USP24: variants seen among roughly 807,000 people sequenced by gnomAD.
USP24 encodes ubiquitin carboxyl-terminal hydrolase 24.
A neutral mutation model predicts 361.6 loss-of-function variants in USP24; 97 were observed. The observed-to-expected ratio is 0.27, with a 90% confidence interval of 0.23 to 0.32. USP24 has a LOEUF of 0.32. USP24 is among the 10% of genes least tolerant of loss of function. USP24 has a pLI of 1.00. For synonymous variants in USP24, 1,098 were observed against 1,124.6 expected (o/e 0.98, Z 0.47); for missense variants, 2,353 against 3,165.6 (o/e 0.74, Z 6.16).
chr1:55,123,706 T>C (rs192877927), intron 35 of USP24, 104 bp from the exon 36 acceptor site: 15 of 1,197,630 alleles, frequency 1.3e-5, no homozygotes, highest in Admixed American at 1.1e-4. Flanking sequence ...CATTAAATAC[T>C]TCAAGAAAGC....
chr1:55,101,380 A>C (rs1204194174), intron 43 of USP24, among the ~76,000 whole-genome samples: 1 of 152,250 alleles, frequency 6.6e-6, no homozygotes, highest in Non-Finnish European at 1.5e-5. Context: ...GTCCATCTGT[A>C]ATACAGGCAG....
chr1:55,129,693 T>C (rs1234972509), intron 31 of USP24, 119 bp from the exon 32 acceptor site: 4 of 670,946 alleles, frequency 6.0e-6, no homozygotes, highest in Non-Finnish European at 7.4e-6. Flanking sequence ...CACACTGTTT[T>C]TCCCCCAGAA....
chr1:55,097,390 TC>T (rs1265599399), intron 48 of USP24, among the ~76,000 whole-genome samples: 4 of 152,156 alleles, frequency 2.6e-5, no homozygotes, highest in African/African-American at 4.8e-5. Flanking sequence ...TTCATAGTAA[TC>T]ACTAGGATGC....
At chr1:55,182,554 T>C (rs1644006540) in intron 1 of USP24, among the ~76,000 whole-genome samples, 1 of 152,062 alleles carries the variant, frequency 6.6e-6, no homozygotes, top group South Asian at 2.1e-4. Context: ...AATCGTCAAA[T>C]GTACCTAGCA....
intron 1 of USP24, among the ~76,000 whole-genome samples, chr1:55,203,162 G>C (rs570237623): frequency 6.6e-6 from 1 of 152,176 alleles, no homozygotes; most frequent in Admixed American, 6.5e-5. Context: ...TGGGGTTCTC[G>C]GAATCCATCC....
chr1:55,112,765 A>G (rs1645991654), intron 38 of USP24, among the ~76,000 whole-genome samples: 1 of 152,320 alleles, frequency 6.6e-6, no homozygotes, highest in African/African-American at 2.4e-5. Flanking sequence ...AGAGTTCTGT[A>G]GATGTCTATT....
intron 56 of USP24, 124 bp downstream of exon 56, chr1:55,085,818 A>C: frequency 1.1e-6 from 1 of 901,800 alleles, no homozygotes; most frequent in South Asian, 1.7e-5. Flanking sequence ...AAATCAGTTC[A>C]CAGAAGGTGT....
intron 1 of USP24, among the ~76,000 whole-genome samples, chr1:55,208,704 G>A (rs1644773265): frequency 6.6e-6 from 1 of 151,830 alleles, no homozygotes; most frequent in Non-Finnish European, 1.5e-5. Context: ...CTGGGAGGCA[G>A]AGGCAGGCGG....
intron 55 of USP24, among the ~76,000 whole-genome samples, chr1:55,087,245 G>A (rs980325922): frequency 6.6e-6 from 1 of 152,214 alleles, no homozygotes; most frequent in African/African-American, 2.4e-5. Context: ...ATAGTGATGA[G>A]TGATTGGTCT....
intron 54 of USP24, among the ~76,000 whole-genome samples, chr1:55,091,252 C>A (rs945224699): frequency 6.6e-6 from 1 of 152,130 alleles, no homozygotes; most frequent in African/African-American, 2.4e-5. Flanking sequence ...GTGAGCATTA[C>A]AGCCTGAGCT....
intron 12 of USP24, 31 bp downstream of exon 12, chr1:55,156,917 C>G (rs2100750196): frequency 1.3e-6 from 2 of 1,554,708 alleles, no homozygotes; most frequent in Non-Finnish European, 1.8e-6. Flanking sequence ...AAAACATTAG[C>G]CAAAGGCAAA....
In USP24 at chr1:55,159,639, C is replaced by A. The variant is rs1362528352; in HGVS notation, c.1040G>T (p.Ser347Ile). The A allele has an allele frequency of 3.2e-6, 5 of 1,562,488 alleles. No individual in the cohort carries two copies. In the South Asian group the frequency reaches 5.9e-5, roughly 18 times the overall value. Residue 347 changes from serine to isoleucine, a missense_variant, in exon 9 of 68, where the codon AGT (serine) becomes ATT (isoleucine). By Grantham distance (142) the Ser-to-Ile change is moderately radical. Transcript: ENST00000294383. ...GTCTTTGAGGTCTTTCTCTTCTACA[C>A]TCCGTACATCCTGGATTGTAGTAAG... ...VILTTIQDVRSVEEKDLKDKR... is the reference protein window; with the variant it reads ...VILTTIQDVRIVEEKDLKDKR...
rs1264475491 is a variant in USP24 at position 55,066,863 on chromosome 1, G to C, written c.*2182C>G. On this transcript the variant is annotated 3_prime_UTR_variant, in exon 68 of 68. Transcript: ENST00000294383. ...AAAAACATCTTCATCCAAAAAATTG[G>C]CAGTAAAAATGACAACTCTTCCAAG... 6.6e-6 allele frequency: 1 copy of C among 152,034 alleles called. No homozygotes were observed. The highest frequency in any genetic ancestry group is 2.4e-5 in the African/African-American group (1 of 41,386). 9.4% of individuals were successfully genotyped at this position (152,034 alleles called of 1,614,324 possible). A position where few individuals can be genotyped will look rare whatever the true frequency, so the allele number is the denominator to read the frequency against.
intron 24 of USP24, among the ~76,000 whole-genome samples, chr1:55,140,138 A>C (rs982159607): frequency 3.3e-5 from 5 of 152,138 alleles, no homozygotes; most frequent in African/African-American, 1.2e-4. Flanking sequence ...TTTAGAGTTT[A>C]TAATATTTTA....
At chr1:55,166,688 G>A (rs958539868) in intron 5 of USP24, 85 bp from the exon 6 acceptor site, 1 of 1,283,092 alleles carries the variant, frequency 7.8e-7, no homozygotes, top group African/African-American at 1.5e-5. Flanking sequence ...TAAATGAAAA[G>A]TCAGAAGAAA....
intron 64 of USP24, 112 bp downstream of exon 64, chr1:55,073,716 T>C (rs777530483): frequency 6.2e-5 from 64 of 1,024,774 alleles, no homozygotes; most frequent in Non-Finnish European, 8.8e-5. Flanking sequence ...AAGCAGGCCC[T>C]GACTGAGTCA....
chr1:55,168,707 A>C (rs930678335), intron 5 of USP24, among the ~76,000 whole-genome samples: 4 of 152,194 alleles, frequency 2.6e-5, no homozygotes, highest in African/African-American at 9.6e-5. Context: ...AAAGGGAGAA[A>C]AAAATTCTCC....
At chr1:55,172,651 A>G (rs1326715082) in intron 3 of USP24, 131 bp from the exon 4 acceptor site, 2 of 959,166 alleles carry the variant, frequency 2.1e-6, no homozygotes, top group Non-Finnish European at 2.9e-6. Flanking sequence ...ATTGGCTTTT[A>G]AAAGACCCAT....
At chr1:55,212,496 G>A (rs184802067) in intron 1 of USP24, among the ~76,000 whole-genome samples, 1 of 152,196 alleles carries the variant, frequency 6.6e-6, no homozygotes, top group Admixed American at 6.5e-5. Flanking sequence ...ACTGTATAAC[G>A]CACCTAAGAC....
Sources: allele counts gnomAD v4.1 joint callset (sites outside exome capture counted in the v4.1 genomes callset), GRCh38; gene constraint gnomAD v4.1.1; transcripts MANE v1.5; gene names NCBI Gene and HGNC (gene_info 2026-07-23, HGNC 2026-07-21).